STX8: variants seen among roughly 807,000 people sequenced by gnomAD.
STX8 encodes the protein syntaxin-8.
STX8 carries 23 observed loss-of-function variants against 37.5 expected under a neutral mutation model. That is an observed-to-expected ratio of 0.61 (90% CI 0.44 to 0.87). STX8 has a LOEUF of 0.87. STX8 is among the 40% of genes least tolerant of loss of function. STX8 has a pLI of 0.00. For synonymous variants in STX8, 115 were observed against 99.1 expected (o/e 1.16, Z -0.95); for missense variants, 313 against 284.7 (o/e 1.10, Z -0.71).
At chr17:9,297,340 C>A (rs1044559675) in intron 7 of STX8, among the ~76,000 whole-genome samples, 4 of 151,788 alleles carry the variant, frequency 2.6e-5, no homozygotes, top group Admixed American at 2.0e-4. Context: ...GTATGAGAAT[C>A]TCATCACTGT....
At chr17:9,428,264 T>TG (rs1422641902) in intron 6 of STX8, among the ~76,000 whole-genome samples, 1 of 152,206 alleles carries the variant, frequency 6.6e-6, no homozygotes, top group Non-Finnish European at 1.5e-5. Flanking sequence ...TGTTTTGAGA[T>TG]GGAGTCTCAC....
chr17:9,452,836 G>A (rs1905085758), intron 6 of STX8, among the ~76,000 whole-genome samples: 1 of 150,178 alleles, frequency 6.7e-6, no homozygotes, highest in Non-Finnish European at 1.5e-5. Flanking sequence ...GTCTCGCTCT[G>A]TTGCCAGGCT....
intron 5 of STX8, among the ~76,000 whole-genome samples, chr17:9,492,982 C>T (rs1906918994): frequency 6.6e-6 from 1 of 151,978 alleles, no homozygotes; most frequent in Non-Finnish European, 1.5e-5. Flanking sequence ...CCTGTAGGCC[C>T]AGCTACTGGG....
chr17:9,367,331 A>G (rs944658389), intron 7 of STX8, among the ~76,000 whole-genome samples: 2 of 152,052 alleles, frequency 1.3e-5, no homozygotes, highest in Non-Finnish European at 2.9e-5. Context: ...CTCCCTTAAG[A>G]GAGGCAGAGG....
chr17:9,387,964 G>A (rs1306581178), intron 6 of STX8, among the ~76,000 whole-genome samples: 3 of 152,028 alleles, frequency 2.0e-5, no homozygotes, highest in Non-Finnish European at 4.4e-5. Flanking sequence ...AAAACCAGTA[G>A]TCAACACTTG....
In STX8 at chr17:9,282,904, CT is replaced by C. The variant is rs5819219; in HGVS notation, c.644-32260del. Among the ~76,000 whole-genome samples, 170 of 149,214 alleles carry C rather than the reference CT, an allele frequency of 1.1e-3. 1 individual carries two copies. Among genetic ancestry groups the C allele is most frequent in the African/African-American group, 3.9e-3 (159 of 40,764 alleles). ...AGACAGTCACTTTATGGAGATGAATCTTTTTTTTTTTTCTTTCTTTACCAAA... is the reference window on the plus strand; with the variant it reads ...AGACAGTCACTTTATGGAGATGAATCTTTTTTTTTTTCTTTCTTTACCAAA... On this transcript the variant is annotated intron_variant, in intron 7 of 7. Transcript: ENST00000306357.
At chr17:9,371,818 CT>C in intron 7 of STX8, among the ~76,000 whole-genome samples, 1 of 152,108 alleles carries the variant, frequency 6.6e-6, no homozygotes, top group East Asian at 1.9e-4. Context: ...TGCTTTCAAG[CT>C]TGTCATTTTT....
At chr17:9,378,381 A>C in intron 7 of STX8, 171 bp downstream of exon 7, 1 of 589,270 alleles carries the variant, frequency 1.7e-6, no homozygotes, top group Non-Finnish European at 3.1e-6. Context: ...ACTCCATTTC[A>C]TTTTGACCAG....
intron 6 of STX8, among the ~76,000 whole-genome samples, chr17:9,454,386 T>C (rs1199682628): frequency 6.6e-6 from 1 of 152,106 alleles, no homozygotes; most frequent in Non-Finnish European, 1.5e-5. Flanking sequence ...TTAAAACTTA[T>C]GGGCCGGGCT....
intron 4 of STX8, among the ~76,000 whole-genome samples, chr17:9,510,793 T>G (rs1229910467): frequency 4.6e-5 from 7 of 151,430 alleles, no homozygotes; most frequent in Non-Finnish European, 4.4e-5. Context: ...GAAATTGAAA[T>G]AAAAAATGTA....
intron 7 of STX8, among the ~76,000 whole-genome samples, chr17:9,373,892 T>C (rs965909151): frequency 2.7e-5 from 4 of 150,124 alleles, no homozygotes; most frequent in African/African-American, 7.4e-5. Context: ...TGAGCTGAGA[T>C]TGCACCATTG....
Position 9,281,056 on chromosome 17 carries a change from C to T in STX8, c.644-30411G>A, listed in dbSNP as rs141472113. ...ATAGAGAGGCTCTGAGAGGTTTCAG[C>T]GGGAAGAAGTAATGGTGGAGGGGGA... is the stretch of plus-strand genomic sequence containing the variant. On this transcript the variant is annotated intron_variant, in intron 7 of 7. Coordinates refer to ENST00000306357, the MANE Select transcript of STX8 (RefSeq NM_004853.3). Among the ~76,000 whole-genome samples, 260 of 152,032 alleles carry T rather than the reference C, an allele frequency of 1.7e-3. 1 individual carries two copies. Among genetic ancestry groups the T allele is most frequent in the South Asian group, 0.014 (67 of 4,806 alleles).
At chr17:9,570,202 A>C (rs1291287460) in intron 1 of STX8, among the ~76,000 whole-genome samples, 3 of 152,030 alleles carry the variant, frequency 2.0e-5, no homozygotes, top group Non-Finnish European at 2.9e-5. Flanking sequence ...GAACTTGATA[A>C]GTGTTTTTTT....
intron 6 of STX8, among the ~76,000 whole-genome samples, chr17:9,416,842 T>G (rs1039339720): frequency 1.3e-5 from 2 of 152,168 alleles, no homozygotes; most frequent in Non-Finnish European, 2.9e-5. Flanking sequence ...AGCCAGTGTT[T>G]TGGAGGTCAC....
chr17:9,402,818 GT>G (rs1432183115), intron 6 of STX8, among the ~76,000 whole-genome samples: 6 of 152,176 alleles, frequency 3.9e-5, no homozygotes, highest in Non-Finnish European at 8.8e-5. Flanking sequence ...AGAGGAAAGG[GT>G]TGCTCCAGAA....
At chr17:9,497,571 T>A (rs1053493858) in intron 5 of STX8, among the ~76,000 whole-genome samples, 5 of 151,724 alleles carry the variant, frequency 3.3e-5, no homozygotes, top group African/African-American at 1.2e-4. Context: ...GGAGGATGAG[T>A]AGGACAAAGT....
At chr17:9,550,038 A>G (rs1906700487) in intron 3 of STX8, among the ~76,000 whole-genome samples, 1 of 152,154 alleles carries the variant, frequency 6.6e-6, no homozygotes, top group African/African-American at 2.4e-5. Context: ...CCTGGACAAC[A>G]CGGTGAAACC....
At chr17:9,434,969 G>C (rs1904379124) in intron 6 of STX8, among the ~76,000 whole-genome samples, 1 of 152,190 alleles carries the variant, frequency 6.6e-6, no homozygotes, top group South Asian at 2.1e-4. Context: ...TTAATGAGCA[G>C]TGAGGGCAAC....
chr17:9,464,390 A>AGGT (rs939340167), intron 6 of STX8, among the ~76,000 whole-genome samples: 2 of 152,258 alleles, frequency 1.3e-5, no homozygotes, highest in African/African-American at 2.4e-5. Flanking sequence ...ATCTGCCGCT[A>AGGT]GGTATAATCC....
Sources: allele counts gnomAD v4.1 joint callset (sites outside exome capture counted in the v4.1 genomes callset), GRCh38; gene constraint gnomAD v4.1.1; transcripts MANE v1.5; gene names NCBI Gene and HGNC (gene_info 2026-07-23, HGNC 2026-07-21).